The following CHRM5 variants were observed in gnomAD, a reference collection of about 807,000 sequenced individuals.
CHRM5 encodes the protein cholinergic receptor muscarinic 5, also known as muscarinic acetylcholine receptor M5.
A neutral mutation model predicts 39.0 loss-of-function variants in CHRM5; 18 were observed. The ratio of observed to expected loss-of-function variants is 0.46; its 90% confidence interval spans 0.32 to 0.68. The LOEUF (loss-of-function observed/expected upper bound fraction) is 0.68. CHRM5 is among the 30% of genes least tolerant of loss of function. CHRM5 has a pLI of 0.04. For synonymous variants in CHRM5, 241 were observed against 246.3 expected (o/e 0.98, Z 0.20); for missense variants, 515 against 651.1 (o/e 0.79, Z 2.28).
At chr15:34,024,472 C>CAAA (rs10531898) in intron 1 of CHRM5, among the ~76,000 whole-genome samples, 24 of 101,878 alleles carry the variant, frequency 2.4e-4, no homozygotes, top group African/African-American at 8.0e-4. Flanking sequence ...GACCCTGTCT[C>CAAA]AAAAAAAAAA....
At chr15:34,059,406 A>C (rs1900263272) in intron 2 of CHRM5, among the ~76,000 whole-genome samples, 1 of 152,228 alleles carries the variant, frequency 6.6e-6, no homozygotes, top group Non-Finnish European at 1.5e-5. Context: ...GCAAGCGGTC[A>C]GATCATTTTA....
intron 1 of CHRM5, among the ~76,000 whole-genome samples, chr15:33,988,420 T>A (rs1896572690): frequency 1.3e-5 from 2 of 152,204 alleles, no homozygotes; most frequent in Admixed American, 1.3e-4. Flanking sequence ...AGTTTCTACA[T>A]GTATAGAATA....
intron 1 of CHRM5, among the ~76,000 whole-genome samples, chr15:34,015,297 C>T (rs1335635993): frequency 6.6e-5 from 10 of 152,052 alleles, no homozygotes; most frequent in Admixed American, 6.6e-4. Context: ...TCTTGGCTAA[C>T]ACAGTGAAAC....
intron 1 of CHRM5, among the ~76,000 whole-genome samples, chr15:34,036,304 T>C (rs1359411460): frequency 1.3e-5 from 2 of 152,098 alleles, no homozygotes; most frequent in Non-Finnish European, 2.9e-5. Context: ...CATAGCTATG[T>C]AGAAGTTGGT....
At chr15:34,004,793 T>C (rs1251181529) in intron 1 of CHRM5, among the ~76,000 whole-genome samples, 1 of 152,152 alleles carries the variant, frequency 6.6e-6, no homozygotes, top group Non-Finnish European at 1.5e-5. Flanking sequence ...TTCTATCTAC[T>C]TTTGCATGTA....
intron 1 of CHRM5, among the ~76,000 whole-genome samples, chr15:33,986,704 T>A (rs1160311846): frequency 6.6e-6 from 1 of 152,114 alleles, no homozygotes; most frequent in South Asian, 2.1e-4. Flanking sequence ...TCACCTAGGC[T>A]TGAATGCAGT....
chr15:33,982,640 T>C (rs1311362565), intron 1 of CHRM5, among the ~76,000 whole-genome samples: 2 of 152,210 alleles, frequency 1.3e-5, no homozygotes, highest in Non-Finnish European at 2.9e-5. Flanking sequence ...CTGCACTGAC[T>C]CAAAATTTTT....
chr15:33,991,316 A>T (rs959532440), intron 1 of CHRM5: 8 of 152,342 alleles, frequency 5.3e-5, no homozygotes, highest in Admixed American at 2.0e-4. Context: ...GAAGCAAAAC[A>T]AAGTATAAAC....
intron 1 of CHRM5, among the ~76,000 whole-genome samples, chr15:33,997,540 C>T (rs1896985202): frequency 6.6e-6 from 1 of 152,128 alleles, no homozygotes; most frequent in South Asian, 2.1e-4. Context: ...CCCCCTGCCC[C>T]ACCAAATCTC....
chr15:34,027,421 C>T (rs1012111092), intron 1 of CHRM5, among the ~76,000 whole-genome samples: 2 of 151,412 alleles, frequency 1.3e-5, no homozygotes, highest in African/African-American at 4.9e-5. Context: ...CCCAGCTACA[C>T]AGGAGGCTGA....
At chr15:33,994,675 A>AGT (rs1896861848) in intron 1 of CHRM5, among the ~76,000 whole-genome samples, 1 of 152,340 alleles carries the variant, frequency 6.6e-6, no homozygotes, top group East Asian at 1.9e-4. Context: ...ATATACATAC[A>AGT]GTGTGTGTGA....
intron 1 of CHRM5, among the ~76,000 whole-genome samples, chr15:34,022,914 G>A (rs756606974): frequency 3.3e-5 from 5 of 152,342 alleles, no homozygotes; most frequent in Non-Finnish European, 7.3e-5. Flanking sequence ...GAGGCCGGGC[G>A]CGGTGGCTCA....
chr15:33,980,647 A>G (rs963396863), intron 1 of CHRM5, among the ~76,000 whole-genome samples: 6 of 152,178 alleles, frequency 3.9e-5, no homozygotes, highest in Non-Finnish European at 8.8e-5. Context: ...AGGGAGTGAC[A>G]CACAGAAAAG....
At chr15:34,038,745 A>G (rs1362067611) in intron 1 of CHRM5, 5 of 1,144,382 alleles carry the variant, frequency 4.4e-6, no homozygotes, top group Non-Finnish European at 5.4e-6. Flanking sequence ...CCCCAGTTAC[A>G]CGCGGTCCCA....
At chr15:34,015,498 T>TA (rs869203906) in intron 1 of CHRM5, among the ~76,000 whole-genome samples, 4 of 150,504 alleles carry the variant, frequency 2.7e-5, no homozygotes, top group African/African-American at 9.8e-5. Flanking sequence ...TAAAAAAAAA[T>TA]AAAAAAATTC....
At chr15:34,061,949 A>G (rs1900347507) in intron 2 of CHRM5, among the ~76,000 whole-genome samples, 1 of 152,206 alleles carries the variant, frequency 6.6e-6, no homozygotes, top group South Asian at 2.1e-4. Context: ...GGTATTTATC[A>G]CCAGGATCTT....
At chr15:33,979,763 A>G (rs1555512428) in intron 1 of CHRM5, among the ~76,000 whole-genome samples, 1 of 152,238 alleles carries the variant, frequency 6.6e-6, no homozygotes, top group Non-Finnish European at 1.5e-5. Flanking sequence ...AGGCATCCTC[A>G]GGAATCGTAA....
intron 1 of CHRM5, among the ~76,000 whole-genome samples, chr15:34,045,802 A>T (rs1316401234): frequency 6.6e-6 from 1 of 152,150 alleles, no homozygotes; most frequent in Non-Finnish European, 1.5e-5. Flanking sequence ...TTCATTTGGT[A>T]CACAGGGTTA....
At chr15:34,059,472 A>G (rs1383927431) in intron 2 of CHRM5, among the ~76,000 whole-genome samples, 1 of 152,156 alleles carries the variant, frequency 6.6e-6, no homozygotes, top group African/African-American at 2.4e-5. Context: ...CTACCTTCAG[A>G]GTAGATGGGG....
Sources: gnomAD v4.1 joint callset for allele counts (sites outside exome capture counted in the v4.1 genomes callset) on GRCh38, gnomAD v4.1.1 for gene constraint, MANE v1.5 for transcripts, NCBI Gene and HGNC (gene_info 2026-07-23, HGNC 2026-07-21) for gene names.